Variants in DYNC1I1 observed in about 807,000 individuals in gnomAD.
DYNC1I1 encodes cytoplasmic dynein 1 intermediate chain 1.
Under a neutral mutation model 86.6 loss-of-function variants are expected in DYNC1I1, and 43 were observed. That is an observed-to-expected ratio of 0.50 (90% CI 0.39 to 0.64). The LOEUF is 0.64. Ranked by LOEUF, DYNC1I1 falls within the 30% of genes least tolerant of loss-of-function variation. The pLI, the probability that DYNC1I1 is intolerant of heterozygous loss-of-function variation, is 0.00. For missense variants in DYNC1I1, 604 were observed against 788.8 expected, an observed-to-expected ratio of 0.77 and a Z score of 2.81; for synonymous variants, 262 against 283.7, an observed-to-expected ratio of 0.92 and a Z score of 0.77.
intron 6 of DYNC1I1, among the ~76,000 whole-genome samples, chr7:95,911,476 G>T (rs562212404): frequency 7.9e-5 from 12 of 152,280 alleles, no homozygotes; most frequent in South Asian, 4.2e-4. Context: ...GAGGTGAGAA[G>T]AAGGAAAGCA....
intron 6 of DYNC1I1, among the ~76,000 whole-genome samples, chr7:95,942,113 A>G (rs1298991217): frequency 1.3e-5 from 2 of 152,220 alleles, no homozygotes; most frequent in East Asian, 1.9e-4. Context: ...AACAAAATTG[A>G]TAGACCGCTA....
intron 16 of DYNC1I1, among the ~76,000 whole-genome samples, chr7:96,109,398 C>T (rs1368618486): frequency 5.5e-5 from 8 of 146,538 alleles, no homozygotes; most frequent in African/African-American, 2.0e-4. Flanking sequence ...TTGACTTCTG[C>T]TTTTCATTAT....
chr7:96,060,411 A>C (rs1789730944), intron 14 of DYNC1I1, among the ~76,000 whole-genome samples: 1 of 152,216 alleles, frequency 6.6e-6, no homozygotes, highest in African/African-American at 2.4e-5. Flanking sequence ...AACATAAAAT[A>C]AATGTTTCCA....
intron 6 of DYNC1I1, among the ~76,000 whole-genome samples, chr7:95,967,963 TG>T (rs1374997612): frequency 1.3e-5 from 2 of 152,136 alleles, no homozygotes; most frequent in Non-Finnish European, 2.9e-5. Flanking sequence ...AAGCACATAT[TG>T]GGGCCAGACC....
chr7:96,053,866 T>G (rs1287440312), intron 14 of DYNC1I1, among the ~76,000 whole-genome samples: 1 of 152,158 alleles, frequency 6.6e-6, no homozygotes, highest in Non-Finnish European at 1.5e-5. Flanking sequence ...AATTACTACT[T>G]TATCAACATG....
chr7:95,772,841 C>A (rs1793739262), intron 1 of DYNC1I1, 68 bp downstream of exon 1: 1 of 152,182 alleles, frequency 6.6e-6, no homozygotes, highest in African/African-American at 2.4e-5. Flanking sequence ...ACCCTCCCCA[C>A]CCCGGTGTCG....
chr7:95,804,753 A>G lies in DYNC1I1; in HGVS notation c.24A>G (p.Lys8=), dbSNP rs771532087. 1.8e-5 allele frequency: 29 copies of G among 1,601,026 alleles called. No homozygotes were observed. The change falls in exon 2 of 17, where the codon AAA becomes AAG. Residue 8 remains lysine, a synonymous_variant. Transcript: ENST00000447467. The part of the protein sequence containing the change: MSDKSDL[K]AELERKKQRL... ...ACATGTCTGACAAAAGTGACTTAAA[A>G]GCTGAGCTAGAGCGCAAAAAGCAGC... is the stretch of plus-strand genomic sequence containing the variant.
At chr7:95,989,452 C>T (rs1036704722) in intron 9 of DYNC1I1, among the ~76,000 whole-genome samples, 6 of 152,166 alleles carry the variant, frequency 3.9e-5, no homozygotes, top group Non-Finnish European at 4.4e-5. Flanking sequence ...CAGATCCAAG[C>T]CTGAGGAAAC....
intron 14 of DYNC1I1, among the ~76,000 whole-genome samples, chr7:96,041,364 A>G (rs1484450986): frequency 1.3e-5 from 2 of 152,240 alleles, no homozygotes; most frequent in Admixed American, 6.5e-5. Context: ...GTTCTCATAC[A>G]TTTCCATTGG....
At chr7:95,804,616 C>G in intron 1 of DYNC1I1, 105 bp from the exon 2 acceptor site, 1 of 1,251,180 alleles carries the variant, frequency 8.0e-7, no homozygotes, top group Non-Finnish European at 1.1e-6. Flanking sequence ...GTTGATCATC[C>G]AAAAGTCACA....
chr7:95,904,834 A>G (rs543566893), intron 6 of DYNC1I1, among the ~76,000 whole-genome samples: 4 of 152,308 alleles, frequency 2.6e-5, no homozygotes, highest in African/African-American at 9.6e-5. Context: ...TCTTTGGACT[A>G]TCTGCCTGCC....
At chr7:95,896,366 G>T (rs1790883521) in intron 6 of DYNC1I1, among the ~76,000 whole-genome samples, 1 of 152,302 alleles carries the variant, frequency 6.6e-6, no homozygotes, top group East Asian at 1.9e-4. Context: ...GACGAGGATT[G>T]TTAACACCAA....
chr7:95,871,698 A>G (rs938570752), intron 6 of DYNC1I1, among the ~76,000 whole-genome samples: 6 of 152,212 alleles, frequency 3.9e-5, no homozygotes, highest in Non-Finnish European at 7.3e-5. Flanking sequence ...CATCAGCTCT[A>G]AAGTTTTAAA....
intron 1 of DYNC1I1, among the ~76,000 whole-genome samples, chr7:95,788,838 A>T (rs1794216383): frequency 6.6e-6 from 1 of 152,194 alleles, no homozygotes; most frequent in Non-Finnish European, 1.5e-5. Flanking sequence ...ATATGGGGCA[A>T]CCTGACAGGT....
chr7:95,909,184 GA>G (rs532285698), intron 6 of DYNC1I1, among the ~76,000 whole-genome samples: 14,218 of 93,596 alleles, frequency 0.15, 1,246 homozygotes, highest in Middle Eastern at 0.31. Context: ...TGAGACAGCA[GA>G]AAAAAAAAAA....
intron 4 of DYNC1I1, among the ~76,000 whole-genome samples, chr7:95,823,322 G>A (rs1161346841): frequency 6.6e-6 from 1 of 152,166 alleles, no homozygotes. Flanking sequence ...TGATGAAACT[G>A]CAGTCCAATG....
At chr7:95,779,812 T>A (rs1030217145) in intron 1 of DYNC1I1, among the ~76,000 whole-genome samples, 1 of 152,198 alleles carries the variant, frequency 6.6e-6, no homozygotes, top group Non-Finnish European at 1.5e-5. Flanking sequence ...GTAAAAACAT[T>A]CACTTCCTGA....
At chr7:95,917,021 G>C (rs1249171595) in intron 6 of DYNC1I1, among the ~76,000 whole-genome samples, 2 of 152,152 alleles carry the variant, frequency 1.3e-5, no homozygotes, top group Non-Finnish European at 2.9e-5. Flanking sequence ...TATGGTAGTT[G>C]AGGGCAACCG....
intron 14 of DYNC1I1, among the ~76,000 whole-genome samples, chr7:96,040,961 A>C (rs977496560): frequency 1.3e-5 from 2 of 152,004 alleles, no homozygotes; most frequent in Non-Finnish European, 2.9e-5. Flanking sequence ...ACCTCAAATG[A>C]TCTGCCCGCC....
Sources: allele counts gnomAD v4.1 joint callset (sites outside exome capture counted in the v4.1 genomes callset), GRCh38; gene constraint gnomAD v4.1.1; transcripts MANE v1.5; gene names NCBI Gene and HGNC (gene_info 2026-07-23, HGNC 2026-07-21).